The following KDM2A variants were observed in gnomAD, a reference collection of about 807,000 sequenced individuals.
KDM2A encodes the protein lysine demethylase 2A, also known as lysine-specific demethylase 2A.
In KDM2A, 3 loss-of-function variants were observed where a neutral mutation model predicts 137.3. The ratio of observed to expected loss-of-function variants is 0.02; its 90% confidence interval spans 0.01 to 0.06. KDM2A has a LOEUF of 0.06. Among genes scored for constraint, KDM2A ranks in the 10% least tolerant of loss-of-function variants. The pLI is 1.00. For missense variants in KDM2A, 738 were observed against 1,510.6 expected (o/e 0.49, Z 8.48); for synonymous variants, 512 against 541.5 (o/e 0.95, Z 0.76).
Position 67,121,214 on chromosome 11 carries a change from C to T in KDM2A, c.-83-20C>T. 1.2e-6 allele frequency: 1 copy of T among 815,438 alleles called. No homozygotes were observed. Among genetic ancestry groups the T allele is most frequent in the Non-Finnish European group, 2.1e-6 (1 of 479,234 alleles). 50.5% of individuals were successfully genotyped at this position (815,438 alleles called of 1,614,324 possible). On this transcript the variant is annotated intron_variant, in intron 1 of 20. Transcript: ENST00000529006. ...GTTTGAGAATGAGTTCTCATTTCTG[C>T]TTATATCATTATTCTTTAGTGTTGC...
intron 2 of KDM2A, among the ~76,000 whole-genome samples, chr11:67,137,867 G>A (rs1285686406): frequency 2.0e-5 from 3 of 151,898 alleles, no homozygotes; most frequent in African/African-American, 4.8e-5. Context: ...GTGCGATCTC[G>A]GCTCACTGCA....
At chr11:67,157,570 C>A (rs1856546269) in intron 2 of KDM2A, among the ~76,000 whole-genome samples, 1 of 151,640 alleles carries the variant, frequency 6.6e-6, no homozygotes, top group African/African-American at 2.4e-5. Flanking sequence ...CATGGTGAAA[C>A]CCCGTCTCTA....
intron 2 of KDM2A, among the ~76,000 whole-genome samples, chr11:67,158,308 T>C (rs1190428571): frequency 1.3e-5 from 2 of 152,240 alleles, no homozygotes; most frequent in Non-Finnish European, 2.9e-5. Flanking sequence ...TGTTTCATAG[T>C]TCATTTATTC....
Position 67,123,213 on chromosome 11 carries a change from C to T in KDM2A, c.42+1855C>T, listed in dbSNP as rs112583326. Among the ~76,000 whole-genome samples the T allele has an allele frequency of 8.8e-5, 13 of 148,066 alleles. 2 individuals carry two copies. The highest frequency in any genetic ancestry group is 2.3e-4 in the African/African-American group (9 of 39,926). On this transcript the variant is annotated intron_variant, in intron 2 of 20. Coordinates refer to ENST00000529006, the MANE Select transcript of KDM2A (RefSeq NM_012308.3). The stretch of plus-strand genomic sequence containing the variant: ...CTAGTCTTGAACTCCTGGCCTCAAG[C>T]GATCCTCCCACCTTGGCATCCCAAA...
chr11:67,143,834 T>C (rs1367277188), intron 2 of KDM2A, among the ~76,000 whole-genome samples: 2 of 151,986 alleles, frequency 1.3e-5, no homozygotes, highest in African/African-American at 4.8e-5. Flanking sequence ...GGTTTTCTCA[T>C]GTTGGCCAAG....
intron 12 of KDM2A, among the ~76,000 whole-genome samples, chr11:67,241,674 A>G (rs975039319): frequency 1.3e-5 from 2 of 152,206 alleles, no homozygotes; most frequent in Non-Finnish European, 2.9e-5. Flanking sequence ...CTTGTCTCCC[A>G]GATTTATTTT....
In KDM2A at chr11:67,181,830, G is replaced by A; in HGVS notation, c.261-16G>A. The A allele has an allele frequency of 6.2e-7, 1 of 1,611,858 alleles. No homozygotes were observed. The highest frequency in any genetic ancestry group is 8.5e-7 in the Non-Finnish European group (1 of 1,178,104). The stretch of plus-strand genomic sequence containing the variant: ...ATTGTGTTTTCCATATATACTTACT[G>A]GTGTTTGTTTCATAGAATGCCGGAT... On this transcript the variant is annotated splice_polypyrimidine_tract_variant and intron_variant, in intron 4 of 20. Coordinates refer to ENST00000529006, the MANE Select transcript of KDM2A (RefSeq NM_012308.3).
At chr11:67,145,730 G>A (rs374399229) in intron 2 of KDM2A, among the ~76,000 whole-genome samples, 1 of 151,572 alleles carries the variant, frequency 6.6e-6, no homozygotes, top group African/African-American at 2.4e-5. Context: ...TACCATACTC[G>A]GCTACTTTCT....
intron 5 of KDM2A, among the ~76,000 whole-genome samples, chr11:67,191,411 C>T (rs964107505): frequency 6.6e-6 from 1 of 152,086 alleles, no homozygotes; most frequent in African/African-American, 2.4e-5. Flanking sequence ...AACTACAAAT[C>T]AATATCCTTT....
intron 2 of KDM2A, among the ~76,000 whole-genome samples, chr11:67,122,204 C>T (rs1855612265): frequency 1.3e-5 from 2 of 152,128 alleles, no homozygotes; most frequent in Admixed American, 1.3e-4. Flanking sequence ...TAGAAGATTA[C>T]TAAAGGAATT....
intron 2 of KDM2A, among the ~76,000 whole-genome samples, chr11:67,133,046 T>C (rs576568785): frequency 1.6e-4 from 24 of 152,330 alleles, no homozygotes; most frequent in Admixed American, 1.6e-3. Flanking sequence ...ATTGGGGATG[T>C]TGAGCCTTGA....
intron 5 of KDM2A, among the ~76,000 whole-genome samples, chr11:67,183,708 A>G (rs1249561040): frequency 6.6e-6 from 1 of 152,202 alleles, no homozygotes; most frequent in Non-Finnish European, 1.5e-5. Flanking sequence ...AAAAACTTGC[A>G]CACAGCTTAT....
chr11:67,132,015 C>T (rs1855864504), intron 2 of KDM2A: 2 of 152,134 alleles, frequency 1.3e-5, no homozygotes, highest in Admixed American at 1.3e-4. Flanking sequence ...AGATAAAAGG[C>T]AGCAAATAGT....
intron 5 of KDM2A, among the ~76,000 whole-genome samples, chr11:67,184,215 C>G (rs989872624): frequency 6.6e-6 from 1 of 151,844 alleles, no homozygotes; most frequent in African/African-American, 2.4e-5. Context: ...CTATTGTGGC[C>G]GGGTGCAGTG....
At chr11:67,185,262 G>A (rs1405001902) in intron 5 of KDM2A, among the ~76,000 whole-genome samples, 1 of 152,162 alleles carries the variant, frequency 6.6e-6, no homozygotes, top group African/African-American at 2.4e-5. Flanking sequence ...AGCAAAGATA[G>A]GACAATGGAG....
At chr11:67,149,306 G>A (rs552875984) in intron 2 of KDM2A, 6 of 152,194 alleles carry the variant, frequency 3.9e-5, no homozygotes, top group African/African-American at 1.4e-4. Flanking sequence ...CTAAAGTGCA[G>A]GTGGTACTGA....
Position 67,126,044 on chromosome 11 carries a change from G to A in KDM2A, c.42+4686G>A, listed in dbSNP as rs895034538. Among the ~76,000 whole-genome samples the A allele has an allele frequency of 4.0e-5, 6 of 150,492 alleles. No homozygotes were observed. In the East Asian group the frequency reaches 7.8e-4, roughly 20 times the overall value. On this transcript the variant is annotated intron_variant, in intron 2 of 20. Coordinates refer to ENST00000529006, the MANE Select transcript of KDM2A (RefSeq NM_012308.3). Reference sequence around the variant, plus strand: ...GTGGATCACCTGAGGTCGGGAGATCGAGACCAGCCTGACACAACATGGAGA... The same window carrying A: ...GTGGATCACCTGAGGTCGGGAGATCAAGACCAGCCTGACACAACATGGAGA...
chr11:67,217,763 C>T lies in KDM2A; in HGVS notation c.720C>T (p.Asn240=). The change falls in exon 9 of 21, where the codon AAC becomes AAT. Residue 240 remains asparagine, a synonymous_variant. Coordinates refer to ENST00000529006, the MANE Select transcript of KDM2A (RefSeq NM_012308.3). ...GGCTCATCCCCCCTACAGCCCACAA[C>T]CTGGAGCTGTACGAGAATTGGCTGC... is the stretch of plus-strand genomic sequence containing the variant. The part of the protein sequence containing the change: ...VFWLIPPTAH[N]LELYENWLLS... 1 of 1,613,718 alleles carries T rather than the reference C, an allele frequency of 6.2e-7. No individual in the cohort carries two copies. Among genetic ancestry groups the T allele is most frequent in the Non-Finnish European group, 8.5e-7 (1 of 1,179,798 alleles).
At chr11:67,233,651 TCAACAA>T (rs148508658) in intron 12 of KDM2A, among the ~76,000 whole-genome samples, 2 of 123,940 alleles carry the variant, frequency 1.6e-5, no homozygotes, top group Non-Finnish European at 3.3e-5. Context: ...AAACCCTGTC[TCAACAA>T]CAACAACAAC....
Sources: gnomAD v4.1 joint callset for allele counts (sites outside exome capture counted in the v4.1 genomes callset) on GRCh38, gnomAD v4.1.1 for gene constraint, MANE v1.5 for transcripts, NCBI Gene and HGNC (gene_info 2026-07-23, HGNC 2026-07-21) for gene names.